Variants in SLC8A1 observed in about 807,000 individuals in gnomAD.
SLC8A1 encodes solute carrier family 8 member A1.
Under a neutral mutation model 68.3 loss-of-function variants are expected in SLC8A1, and 18 were observed. The observed-to-expected ratio is 0.26, with a 90% CI of 0.18 to 0.39. The LOEUF is 0.39. SLC8A1 is among the 10% of genes least tolerant of loss of function. The pLI is 1.00. For synonymous variants in SLC8A1, 475 were observed against 415.5 expected (o/e 1.14, Z -1.74); for missense variants, 985 against 1,156.7 (o/e 0.85, Z 2.15).
chr2:40,451,784 C>CAA (rs1553617831), intron 1 of SLC8A1, 120 bp downstream of exon 1: 43 of 145,056 alleles, frequency 3.0e-4, no homozygotes, highest in African/African-American at 1.0e-3. Context: ...CACACACACA[C>CAA]AAATTTAGAA....
intron 2 of SLC8A1, among the ~76,000 whole-genome samples, chr2:40,252,028 T>C (rs751918974): frequency 1.3e-5 from 2 of 152,180 alleles, no homozygotes; most frequent in African/African-American, 2.4e-5. Context: ...GCAATATGAT[T>C]ACAAATCTGC....
At chr2:40,361,289 T>A (rs2149480286) in intron 2 of SLC8A1, among the ~76,000 whole-genome samples, 1 of 152,306 alleles carries the variant, frequency 6.6e-6, no homozygotes, top group South Asian at 2.1e-4. Flanking sequence ...GCATTTGATG[T>A]GTGCCGGTTA....
chr2:40,493,486 T>TA (rs1415941378), intron 1 of SLC8A1, among the ~76,000 whole-genome samples: 7 of 149,728 alleles, frequency 4.7e-5, no homozygotes, highest in Admixed American at 1.3e-4. Flanking sequence ...CCCTAAAACT[T>TA]AAAGTATAAT....
intron 1 of SLC8A1, among the ~76,000 whole-genome samples, chr2:40,479,723 A>G (rs1343766331): frequency 6.6e-6 from 1 of 152,186 alleles, no homozygotes; most frequent in Non-Finnish European, 1.5e-5. Flanking sequence ...TTTCCATCTC[A>G]GCTTCGGCAA....
At chr2:40,437,093 G>C (rs1463222182) in intron 1 of SLC8A1, among the ~76,000 whole-genome samples, 1 of 152,246 alleles carries the variant, frequency 6.6e-6, no homozygotes, top group East Asian at 1.9e-4. Context: ...AAAAATAAAT[G>C]GTTCATGAAA....
chr2:40,321,836 C>T (rs746038133), intron 2 of SLC8A1, among the ~76,000 whole-genome samples: 1 of 152,014 alleles, frequency 6.6e-6, no homozygotes, highest in South Asian at 2.1e-4. Flanking sequence ...ACAACCAAGC[C>T]GTATCACCAT....
chr2:40,167,259 G>A (rs2046706096), intron 4 of SLC8A1, among the ~76,000 whole-genome samples: 2 of 152,130 alleles, frequency 1.3e-5, no homozygotes, highest in South Asian at 4.1e-4. Flanking sequence ...CTCGACTTTT[G>A]TACCTTTTAA....
intron 7 of SLC8A1, among the ~76,000 whole-genome samples, chr2:40,132,946 A>G (rs1331393811): frequency 1.3e-5 from 2 of 152,300 alleles, no homozygotes; most frequent in East Asian, 3.9e-4. Flanking sequence ...GGTGTTTTCT[A>G]TTCCTTTTGA....
At chr2:40,115,315 G>T in exon 8 of SLC8A1, 1 of 1,614,168 alleles carries the variant, frequency 6.2e-7, no homozygotes, top group Non-Finnish European at 8.5e-7. Context: ...AAGAGCCATA[G>T]GAGCACAAAG....
At chr2:40,439,857 A>G (rs1700146518) in intron 1 of SLC8A1, among the ~76,000 whole-genome samples, 1 of 152,306 alleles carries the variant, frequency 6.6e-6, no homozygotes, top group African/African-American at 2.4e-5. Flanking sequence ...GGGTGCTCAC[A>G]TAAGGGTGAC....
intron 2 of SLC8A1, among the ~76,000 whole-genome samples, chr2:40,361,380 G>A (rs1674572657): frequency 6.6e-6 from 1 of 152,100 alleles, no homozygotes; most frequent in Admixed American, 6.6e-5. Flanking sequence ...GATCAGTTGG[G>A]CACATGTGGG....
intron 7 of SLC8A1, among the ~76,000 whole-genome samples, chr2:40,136,677 T>C (rs149315869): frequency 1.3e-5 from 2 of 152,176 alleles, no homozygotes; most frequent in East Asian, 3.9e-4. Context: ...CTTCTGCCTG[T>C]AGCAACTGGG....
At chr2:40,310,166 G>A (rs1467599018) in intron 2 of SLC8A1, among the ~76,000 whole-genome samples, 2 of 152,184 alleles carry the variant, frequency 1.3e-5, no homozygotes, top group African/African-American at 2.4e-5. Context: ...CTGTGTCCAA[G>A]GTAATGAGGT....
chr2:40,233,850 G>C (rs1574450182), intron 2 of SLC8A1, among the ~76,000 whole-genome samples: 2 of 151,642 alleles, frequency 1.3e-5, no homozygotes, highest in African/African-American at 4.9e-5. Context: ...TTATTAAATA[G>C]GGAATCCTTT....
chr2:40,437,346 T>C (rs1354261865), intron 1 of SLC8A1, among the ~76,000 whole-genome samples: 1 of 152,124 alleles, frequency 6.6e-6, no homozygotes, highest in Non-Finnish European at 1.5e-5. Flanking sequence ...GCCTCACATG[T>C]TTCCACTCCT....
chr2:40,459,751 A>T (rs1013139629), intron 1 of SLC8A1, among the ~76,000 whole-genome samples: 8 of 152,180 alleles, frequency 5.3e-5, no homozygotes, highest in African/African-American at 1.9e-4. Flanking sequence ...GGGGGAGGCC[A>T]TGGGAATCAT....
At chr2:40,156,089 C>A (rs1251463982) in intron 6 of SLC8A1, among the ~76,000 whole-genome samples, 1 of 152,172 alleles carries the variant, frequency 6.6e-6, no homozygotes, top group Non-Finnish European at 1.5e-5. Context: ...TGCTATTGTG[C>A]TGAATATTTA....
intron 1 of SLC8A1, among the ~76,000 whole-genome samples, chr2:40,479,803 A>G (rs1704515611): frequency 6.6e-6 from 1 of 152,156 alleles, no homozygotes; most frequent in Non-Finnish European, 1.5e-5. Flanking sequence ...ATATTGGGAG[A>G]AAAATATAAG....
chr2:40,243,530 T>G lies in SLC8A1; in HGVS notation c.1809-65675A>C, dbSNP rs556586697. 3.3e-5 allele frequency among the ~76,000 whole-genome samples: 5 copies of G among 152,278 alleles called. No homozygotes were observed. In the South Asian group the frequency reaches 1.0e-3, roughly 32 times the overall value. On this transcript the variant is annotated intron_variant, in intron 2 of 7. Coordinates refer to ENST00000406785, the Ensembl canonical transcript of SLC8A1. ...AGATTTCTCAAGTCTAAGTTCAGTATTTAAGAAAAAATAAAAAGTAACATC... is the reference window on the plus strand; with the variant it reads ...AGATTTCTCAAGTCTAAGTTCAGTAGTTAAGAAAAAATAAAAAGTAACATC...
Sources: gnomAD v4.1 joint callset for allele counts (sites outside exome capture counted in the v4.1 genomes callset) on GRCh38, gnomAD v4.1.1 for gene constraint, MANE v1.5 for transcripts, NCBI Gene and HGNC (gene_info 2026-07-23, HGNC 2026-07-21) for gene names.